The following PRKCH variants were observed in gnomAD, a reference collection of about 807,000 sequenced individuals.
PRKCH encodes protein kinase C eta type.
Under a neutral mutation model 82.5 loss-of-function variants are expected in PRKCH, and 28 were observed. The observed-to-expected ratio is 0.34, with a 90% CI of 0.25 to 0.47. The LOEUF (loss-of-function observed/expected upper bound fraction) is 0.47, where lower values mean the gene tolerates loss of function less well. Among genes scored for constraint, PRKCH ranks in the 20% least tolerant of loss-of-function variants. The pLI, the probability that PRKCH is intolerant of heterozygous loss-of-function variation, is 1.00. For missense variants in PRKCH, 705 were observed against 881.8 expected, an observed-to-expected ratio of 0.80 and a Z score of 2.54; for synonymous variants, 322 against 327.4, an observed-to-expected ratio of 0.98 and a Z score of 0.18.
chr14:61,273,933 A>G (rs1171988185), intron 1 of PRKCH, among the ~76,000 whole-genome samples: 2 of 152,352 alleles, frequency 1.3e-5, no homozygotes, highest in South Asian at 4.1e-4. Context: ...TGTGCTGGTT[A>G]TGGTACTTGG....
Position 61,267,804 on chromosome 14 carries a change from C to T in PRKCH, c.-19+80136C>T, listed in dbSNP as rs986807260. On this transcript the variant is annotated intron_variant, in intron 1 of 3. Transcript: ENST00000555185. ...GTATAATTTATTGAATTTAAGATGT[C>T]GAGAATCATAAGATGCACCATTACG... is the stretch of plus-strand genomic sequence containing the variant. Among the ~76,000 whole-genome samples, 5 of 151,960 alleles carry T rather than the reference C, an allele frequency of 3.3e-5. No homozygotes were observed. In the East Asian group the frequency reaches 7.7e-4, roughly 23 times the overall value.
chr14:61,493,002 A>G (rs1886519453), intron 10 of PRKCH, among the ~76,000 whole-genome samples: 1 of 152,212 alleles, frequency 6.6e-6, no homozygotes, highest in South Asian at 2.1e-4. Flanking sequence ...AAAGTGGAAA[A>G]TGACAGGAAC....
In PRKCH at chr14:61,445,710, G is replaced by A. The variant is rs764362898; in HGVS notation, c.597G>A (p.Gln199=). The A allele has an allele frequency of 3.1e-6, 5 of 1,610,440 alleles. No individual in the cohort carries two copies. The South Asian group carries it at 4.4e-5, about 14-fold the overall frequency. ...TCAACAGGGGAGTGTTTGGGAAACA[G>A]GGTTATCAGTGCCAAGGTAAGGAAA... ...REFIWGVFGK[Q]GYQCQVCTCV... is the part of the protein sequence containing the mutation. Residue 199 remains glutamine, a synonymous_variant, in exon 4 of 14, where the codon CAG becomes CAA. Coordinates refer to ENST00000332981, the MANE Select transcript of PRKCH (RefSeq NM_006255.5).
At chr14:61,292,043 C>G (rs896541714) in intron 1 of PRKCH, among the ~76,000 whole-genome samples, 2 of 151,966 alleles carry the variant, frequency 1.3e-5, no homozygotes, top group African/African-American at 4.8e-5. Flanking sequence ...CCCAAGAGTC[C>G]CGGAACTCAC....
chr14:61,381,753 C>A (rs374343725), intron 1 of PRKCH, among the ~76,000 whole-genome samples: 71 of 152,352 alleles, frequency 4.7e-4, no homozygotes, highest in South Asian at 1.7e-3. Flanking sequence ...GGCGAGAGCA[C>A]CCTCAGGTGC....
chr14:61,367,360 A>ATGTGTGTG lies in PRKCH; in HGVS notation c.364-23847_364-23840dup, dbSNP rs35762429. The stretch of plus-strand genomic sequence containing the variant: ...TCAGGTATTGCGTGTGTGTGTGTGT[A>ATGTGTGTG]TGTGTGTGTGTGTGTGTGTGTGTGT... On this transcript the variant is annotated intron_variant, in intron 1 of 13. Coordinates refer to ENST00000332981, the MANE Select transcript of PRKCH (RefSeq NM_006255.5). 1.9e-3 allele frequency among the ~76,000 whole-genome samples: 282 copies of ATGTGTGTG among 144,952 alleles called. 1 individual carries two copies. Among genetic ancestry groups the ATGTGTGTG allele is most frequent in the South Asian group, 3.9e-3 (18 of 4,624 alleles).
chr14:61,350,446 T>G (rs935664351), intron 1 of PRKCH, among the ~76,000 whole-genome samples: 1 of 152,212 alleles, frequency 6.6e-6, no homozygotes, highest in African/African-American at 2.4e-5. Flanking sequence ...ATTACTTTTC[T>G]TCTGTAAGGT....
At chr14:61,355,836 A>AG (rs2046140264) in intron 1 of PRKCH, among the ~76,000 whole-genome samples, 3 of 152,180 alleles carry the variant, frequency 2.0e-5, no homozygotes, top group Non-Finnish European at 4.4e-5. Flanking sequence ...CCACCAAAAC[A>AG]CCTGTATAGT....
At chr14:61,486,932 A>C (rs527675030) in intron 10 of PRKCH, among the ~76,000 whole-genome samples, 95 of 152,344 alleles carry the variant, frequency 6.2e-4, no homozygotes, top group African/African-American at 2.1e-3. Flanking sequence ...GCTATTTATT[A>C]ACCTTGTTAA....
intron 1 of PRKCH, among the ~76,000 whole-genome samples, chr14:61,190,627 TC>T (rs1291503527): frequency 3.3e-5 from 5 of 152,150 alleles, no homozygotes; most frequent in African/African-American, 9.7e-5. Context: ...GCCCGTGTGG[TC>T]CCACTCCAGC....
At chr14:61,290,153 G>A (rs1326126359) in intron 1 of PRKCH, among the ~76,000 whole-genome samples, 2 of 152,026 alleles carry the variant, frequency 1.3e-5, no homozygotes, top group African/African-American at 2.4e-5. Flanking sequence ...TTAGTCGGGC[G>A]TGGTTGCGGG....
At chr14:61,440,397 G>A (rs1883900105) in intron 2 of PRKCH, among the ~76,000 whole-genome samples, 1 of 152,162 alleles carries the variant, frequency 6.6e-6, no homozygotes, top group African/African-American at 2.4e-5. Flanking sequence ...TAGGCTGTTT[G>A]CCAAAGATTA....
At chr14:61,279,008 C>CACACACACAA (rs2045230358) in intron 1 of PRKCH, 1 of 148,256 alleles carries the variant, frequency 6.7e-6, no homozygotes, top group Non-Finnish European at 1.5e-5. Flanking sequence ...CACACACACA[C>CACACACACAA]ACACAATGAC....
rs377089013 is a variant in PRKCH at position 61,362,504 on chromosome 14, A to G, written c.364-28721A>G. Among the ~76,000 whole-genome samples, 8 of 152,350 alleles carry G rather than the reference A, an allele frequency of 5.3e-5. No individual in the cohort carries two copies. In the East Asian group the frequency reaches 9.6e-4, roughly 18 times the overall value. On this transcript the variant is annotated intron_variant, in intron 1 of 13. Transcript: ENST00000332981. Reference sequence around the variant, plus strand: ...TTACAGTGCAGTCTGAGTAATAACAAATCCATCATCCAGAGAGTTTTTGAG... The same window carrying G: ...TTACAGTGCAGTCTGAGTAATAACAGATCCATCATCCAGAGAGTTTTTGAG...
chr14:61,416,080 G>A (rs1437538084), intron 2 of PRKCH, among the ~76,000 whole-genome samples: 2 of 102,816 alleles, frequency 1.9e-5, no homozygotes, highest in African/African-American at 3.5e-5. Flanking sequence ...TTTTTGAGAC[G>A]GGGTGTCACT....
intron 1 of PRKCH, among the ~76,000 whole-genome samples, chr14:61,202,432 G>T (rs2044488879): frequency 6.6e-6 from 1 of 152,108 alleles, no homozygotes. Flanking sequence ...TACAGAAATG[G>T]GTACACAATT....
At chr14:61,266,526 G>A (rs375897987) in intron 1 of PRKCH, among the ~76,000 whole-genome samples, 1 of 152,154 alleles carries the variant, frequency 6.6e-6, no homozygotes. Context: ...TAAAAGCAAG[G>A]AACTTCTGGG....
chr14:61,535,587 G>A (rs1220150233), intron 12 of PRKCH, among the ~76,000 whole-genome samples: 2 of 152,234 alleles, frequency 1.3e-5, no homozygotes, highest in East Asian at 1.9e-4. Context: ...AGCTTCAGGT[G>A]AGGAGGCTGA....
intron 10 of PRKCH, among the ~76,000 whole-genome samples, chr14:61,524,533 A>T (rs531322008): frequency 6.6e-6 from 1 of 152,318 alleles, no homozygotes; most frequent in Admixed American, 6.5e-5. Context: ...GCTGAGTTAC[A>T]TGTTGGCATA....
Sources: gnomAD v4.1 joint callset for allele counts (sites outside exome capture counted in the v4.1 genomes callset) on GRCh38, gnomAD v4.1.1 for gene constraint, MANE v1.5 for transcripts, NCBI Gene and HGNC (gene_info 2026-07-23, HGNC 2026-07-21) for gene names.